PHLDB3: variants seen among roughly 807,000 people sequenced by gnomAD.
PHLDB3 encodes the protein pleckstrin homology-like domain family B member 3.
In PHLDB3, 86 loss-of-function variants were observed where a neutral mutation model predicts 85.7. That is an observed-to-expected ratio of 1.00 (90% CI 0.84 to 1.20). PHLDB3 has a LOEUF of 1.20. Ranked by LOEUF, PHLDB3 falls within the 50% of genes most tolerant of loss-of-function variation. PHLDB3 has a pLI of 0.00. For synonymous variants in PHLDB3, 376 were observed against 349.8 expected (o/e 1.07, Z -0.83); for missense variants, 995 against 873.0 (o/e 1.14, Z -1.76).
intron 9 of PHLDB3, among the ~76,000 whole-genome samples, chr19:43,491,076 A>G (rs933661475): frequency 5.9e-5 from 9 of 152,200 alleles, no homozygotes; most frequent in African/African-American, 1.7e-4. Flanking sequence ...CCTTCTGTGC[A>G]CAGGGGCCAA....
At chr19:43,495,982 G>C in intron 6 of PHLDB3, 1 of 184,122 alleles carries the variant, frequency 5.4e-6, no homozygotes. Flanking sequence ...AAAAGATCCA[G>C]AAGCAGGTGG....
intron 15 of PHLDB3, among the ~76,000 whole-genome samples, chr19:43,476,613 T>C (rs1346623895): frequency 6.6e-6 from 1 of 151,028 alleles, no homozygotes; most frequent in Non-Finnish European, 1.5e-5. Context: ...CAGTGAGCTA[T>C]GATTGTACCA....
chr19:43,489,228 G>A (rs919794460), intron 9 of PHLDB3, among the ~76,000 whole-genome samples: 2 of 152,168 alleles, frequency 1.3e-5, no homozygotes, highest in Non-Finnish European at 2.9e-5. Flanking sequence ...AAGGCCAGGT[G>A]TGGTAGCGTG....
chr19:43,486,561 G>C lies in PHLDB3; in HGVS notation c.1428+48C>G, dbSNP rs779729827. 1.7e-5 allele frequency: 27 copies of C among 1,576,154 alleles called. 1 individual carries two copies. The African/African-American group carries it at 2.8e-4, about 17-fold the overall frequency. On this transcript the variant is annotated intron_variant, in intron 12 of 15. Transcript: ENST00000292140. Reference sequence around the variant, plus strand: ...GGGGTCTCCCAGGTCTGAGGGAGGAGAGGCTGGGGCAGTCTTCTGTTCCGA... The same window carrying C: ...GGGGTCTCCCAGGTCTGAGGGAGGACAGGCTGGGGCAGTCTTCTGTTCCGA...
Position 43,487,591 on chromosome 19 carries a change from A to AAAAAAAAAAAAAAAAAAAAAAAAACAC in PHLDB3, c.1150-469_1150-468insGTGTTTTTTTTTTTTTTTTTTTTTTTT, listed in dbSNP as rs1167897767. ...CTCTGTCTCAAAAAAAAAAAAAAAA[A>AAAAAAAAAAAAAAAAAAAAAAAAACAC]ACACAGAAAAGAAAAAAAGAAATGT... is the stretch of plus-strand genomic sequence containing the variant. On this transcript the variant is annotated intron_variant, in intron 9 of 15. Coordinates refer to ENST00000292140, the MANE Select transcript of PHLDB3 (RefSeq NM_198850.4). Among the ~76,000 whole-genome samples, 8 of 115,810 alleles carry AAAAAAAAAAAAAAAAAAAAAAAAACAC rather than the reference A, an allele frequency of 6.9e-5. 1 individual carries two copies. Among genetic ancestry groups the AAAAAAAAAAAAAAAAAAAAAAAAACAC allele is most frequent in the African/African-American group, 1.9e-4 (6 of 32,028 alleles). The allele number at this position is 115,810 out of a possible 152,430, so 76.0% of individuals were successfully genotyped here.
In PHLDB3 at chr19:43,475,491, G is replaced by A; in HGVS notation, c.1842C>T (p.Tyr614=). Reference sequence around the variant, plus strand: ...TGGCTTCGGGGCTCGGAGCCACCATGTAGAAAAGGCGTTCGTAGGTTTTGA... The same window carrying A: ...TGGCTTCGGGGCTCGGAGCCACCATATAGAAAAGGCGTTCGTAGGTTTTGA... The part of the protein sequence containing the change: ...FCVKTYERLF[Y]MVAPSPEAMR... Residue 614 remains tyrosine (Y), a synonymous_variant, in exon 16 of 16, where the codon TAC becomes TAT. Coordinates refer to ENST00000292140, the MANE Select transcript of PHLDB3 (RefSeq NM_198850.4). The A allele has an allele frequency of 1.9e-6, 3 of 1,614,016 alleles. No individual in the cohort carries two copies. The highest frequency in any genetic ancestry group is 2.5e-6 in the Non-Finnish European group (3 of 1,179,894).
In PHLDB3 at chr19:43,487,618, C is replaced by T. The variant is rs182371738; in HGVS notation, c.1150-495G>A. On this transcript the variant is annotated intron_variant, in intron 9 of 15. Transcript: ENST00000292140. ...CACAGAAAAGAAAAAAAGAAATGTC[C>T]GGAACAGGCAAATTAACATAGAAAT... 5.6e-3 allele frequency among the ~76,000 whole-genome samples: 749 copies of T among 132,668 alleles called. 16 individuals carry two copies. The highest frequency in any genetic ancestry group is 3.9e-3 in the Middle Eastern group (1 of 258). 87.0% of individuals were successfully genotyped at this position (132,668 alleles called of 152,430 possible).
intron 13 of PHLDB3, 163 bp downstream of exon 13, chr19:43,486,103 G>A: frequency 1.0e-6 from 1 of 985,420 alleles, no homozygotes; most frequent in Non-Finnish European, 1.2e-6. Flanking sequence ...ATCCGGTCAT[G>A]GGAACAGGAA....
At position 43,486,615 on chromosome 19, in the gene PHLDB3, C is replaced by T; in HGVS notation, c.1422G>A (p.Lys474=). The T allele has an allele frequency of 6.2e-7, 1 of 1,613,038 alleles. No individual in the cohort carries two copies. Among genetic ancestry groups the T allele is most frequent in the East Asian group, 2.2e-5 (1 of 44,868 alleles). ...QAMAERERLL[K]AREGTRRGTE... Reference sequence around the variant, plus strand: ...GGATGGCCTGGGCTCTCACCCGGGCCTTGAGCAGCCGCTCCCTCTCCGCCA... The same window carrying T: ...GGATGGCCTGGGCTCTCACCCGGGCTTTGAGCAGCCGCTCCCTCTCCGCCA... Residue 474 remains lysine, a synonymous_variant, in exon 12 of 16, where the codon AAG becomes AAA. Coordinates refer to ENST00000292140, the MANE Select transcript of PHLDB3 (RefSeq NM_198850.4).
intron 9 of PHLDB3, among the ~76,000 whole-genome samples, chr19:43,489,374 T>G (rs1212851662): frequency 1.3e-5 from 2 of 150,938 alleles, no homozygotes; most frequent in Non-Finnish European, 1.5e-5. Flanking sequence ...TTAAAGTTTT[T>G]TTTTTTTTTT....
intron 11 of PHLDB3, 35 bp from the exon 12 acceptor site, chr19:43,486,731 G>C: frequency 6.2e-7 from 1 of 1,613,180 alleles, no homozygotes; most frequent in East Asian, 2.2e-5. Flanking sequence ...GTGGGTTACA[G>C]TGGCTGGGCC....
chr19:43,501,877 G>A lies in PHLDB3; in HGVS notation c.397-6C>T, dbSNP rs779965484. On this transcript the variant is annotated splice_region_variant and splice_polypyrimidine_tract_variant and intron_variant, in intron 3 of 15. Transcript: ENST00000292140. Reference sequence around the variant, plus strand: ...AAGGCCACCTCCACCTCCATCTGCGGAGAGAATGCCAGGGCTGGGGGCTCG... The same window carrying A: ...AAGGCCACCTCCACCTCCATCTGCGAAGAGAATGCCAGGGCTGGGGGCTCG... 16 of 1,588,958 alleles carry A rather than the reference G, an allele frequency of 1.0e-5. No homozygotes were observed. In the African/African-American group the frequency reaches 1.6e-4, roughly 16 times the overall value.
At chr19:43,502,383 TC>T in intron 2 of PHLDB3, 100 bp from the exon 3 acceptor site, 1 of 1,145,870 alleles carries the variant, frequency 8.7e-7, no homozygotes, top group Non-Finnish European at 1.2e-6. Context: ...CGGGTCTCAG[TC>T]CATCAGTCCA....
At position 43,497,168 on chromosome 19, in the gene PHLDB3, C is replaced by T; in HGVS notation, c.775G>A (p.Val259Met). The T allele has an allele frequency of 6.4e-7, 1 of 1,558,520 alleles. No individual in the cohort carries two copies. Among genetic ancestry groups the T allele is most frequent in the East Asian group, 2.4e-5 (1 of 41,030 alleles). The change falls in exon 6 of 16, where the codon GTG becomes ATG. Residue 259 changes from valine (V) to methionine (M), a missense_variant. Coordinates refer to ENST00000292140, the MANE Select transcript of PHLDB3 (RefSeq NM_198850.4). Reference sequence around the variant, plus strand: ...AGTTCCTGGACCTTGGGGTCTGGCACCTGGGGCCCAGGGCTGTCCCGATCC... The same window carrying T: ...AGTTCCTGGACCTTGGGGTCTGGCATCTGGGGCCCAGGGCTGTCCCGATCC... Reference protein sequence around the residue: ...EEDRDSPGPQVPDPKVQELQA... With the variant: ...EEDRDSPGPQMPDPKVQELQA...
rs369887525 is a variant in PHLDB3, at chr19:43,495,330, G to T, written c.961C>A (p.Arg321=). ...TGAAGGCAATTGAGCTCGAGCAGCCGGCTCCGTTCCTACCAGAAGATATGG... is the reference window on the plus strand; with the variant it reads ...TGAAGGCAATTGAGCTCGAGCAGCCTGCTCCGTTCCTACCAGAAGATATGG... The part of the protein sequence containing the change: ...ALQALSQERS[R]LLELNCLQGT... Residue 321 remains arginine, a synonymous_variant, in exon 8 of 16, where the codon CGG becomes AGG. Transcript: ENST00000292140. 6 of 1,613,274 alleles carry T rather than the reference G, an allele frequency of 3.7e-6. No individual in the cohort carries two copies. Among genetic ancestry groups the T allele is most frequent in the Non-Finnish European group, 5.1e-6 (6 of 1,179,642 alleles).
rs778244071 is a variant in PHLDB3, at chr19:43,487,028, A to G, written c.1245T>C (p.Cys415=). The G allele has an allele frequency of 2.2e-5, 34 of 1,564,902 alleles. No individual in the cohort carries two copies. In the South Asian group the frequency reaches 3.9e-4, roughly 18 times the overall value. ...GGGGAACAGGGGGATCCTCACCAGTACAATGGAAGGACAGAGGTCGGGGGG... is the reference window on the plus strand; with the variant it reads ...GGGGAACAGGGGGATCCTCACCAGTGCAATGGAAGGACAGAGGTCGGGGGG... ...RGSPRPLSFH[C]TESLEASALP... Residue 415 remains cysteine, a synonymous_variant, in exon 10 of 16, where the codon TGT becomes TGC. Coordinates refer to ENST00000292140, the MANE Select transcript of PHLDB3 (RefSeq NM_198850.4).
intron 5 of PHLDB3, 67 bp from the exon 6 acceptor site, chr19:43,497,346 G>T: frequency 8.0e-7 from 1 of 1,250,176 alleles, no homozygotes; most frequent in Non-Finnish European, 1.0e-6. Flanking sequence ...AGTGGGCTGG[G>T]GCTGGGACTC....
In PHLDB3 at chr19:43,497,801, G is replaced by C. The variant is rs1447864605; in HGVS notation, c.610C>G (p.Leu204Val). 3 of 1,559,154 alleles carry C rather than the reference G, an allele frequency of 1.9e-6. No homozygotes were observed. Among genetic ancestry groups the C allele is most frequent in the Non-Finnish European group, 2.6e-6 (3 of 1,151,530 alleles). The change falls in exon 5 of 16, where the codon CTC (leucine) becomes GTC (valine). Residue 204 changes from leucine (L) to valine (V), a missense_variant. Physicochemically the swap from Leu to Val is conservative, Grantham distance 32. Transcript: ENST00000292140. Reference protein sequence around the residue: ...RQRLRKAQGQLDSQPEDQRER... With the variant: ...RQRLRKAQGQVDSQPEDQRER... ...CGTTGGTCCTCTGGCTGTGAGTCGAGCTGTCCCTGGGCCTTGCGGAGTCTC... is the reference window on the plus strand; with the variant it reads ...CGTTGGTCCTCTGGCTGTGAGTCGACCTGTCCCTGGGCCTTGCGGAGTCTC...
At chr19:43,488,242 G>C (rs981294909) in intron 9 of PHLDB3, among the ~76,000 whole-genome samples, 7 of 151,928 alleles carry the variant, frequency 4.6e-5, no homozygotes, top group African/African-American at 1.2e-4. Flanking sequence ...AATTGCTTGA[G>C]CCCAGGAGTT....
Sources: allele counts gnomAD v4.1 joint callset (sites outside exome capture counted in the v4.1 genomes callset), GRCh38; gene constraint gnomAD v4.1.1; transcripts MANE v1.5; gene names NCBI Gene and HGNC (gene_info 2026-07-23, HGNC 2026-07-21).